The following DSC1 variants were observed in gnomAD, a reference collection of about 807,000 sequenced individuals.
DSC1 encodes the protein desmocollin-1.
A neutral mutation model predicts 98.8 loss-of-function variants in DSC1; 79 were observed. The ratio of observed to expected loss-of-function variants is 0.80; its 90% CI spans 0.67 to 0.96. The LOEUF is 0.96. Among genes scored for constraint, DSC1 ranks in the 50% least tolerant of loss-of-function variants. DSC1 has a pLI of 0.00. For synonymous variants in DSC1, 405 were observed against 372.1 expected, an observed-to-expected ratio of 1.09 and a Z score of -1.02; for missense variants, 1,115 against 1,075.9, an observed-to-expected ratio of 1.04 and a Z score of -0.51.
intron 7 of DSC1, among the ~76,000 whole-genome samples, chr18:31,145,136 G>A (rs1445121099): frequency 1.3e-5 from 2 of 151,680 alleles, no homozygotes; most frequent in African/African-American, 4.8e-5. Context: ...TAGAGACGGC[G>A]TTTCATGGTG....
At chr18:31,147,175 G>A (rs1339742156) in intron 6 of DSC1, among the ~76,000 whole-genome samples, 1 of 151,212 alleles carries the variant, frequency 6.6e-6, no homozygotes, top group East Asian at 1.9e-4. Context: ...ATTTTGTTTG[G>A]AAGATATGCC....
At chr18:31,132,082 G>A in intron 14 of DSC1, 2 of 541,728 alleles carry the variant, frequency 3.7e-6, no homozygotes, top group Non-Finnish European at 6.6e-6. Context: ...CATTGTAGAT[G>A]TAATTAGCTA....
At chr18:31,133,348 A>G (rs954184544) in intron 13 of DSC1, among the ~76,000 whole-genome samples, 1 of 152,138 alleles carries the variant, frequency 6.6e-6, no homozygotes, top group African/African-American at 2.4e-5. Context: ...AGTTTGCACA[A>G]TGCAAAATCT....
At position 31,159,544 on chromosome 18, in the gene DSC1, AAG is replaced by A; in HGVS notation, c.64-17_64-16del. On this transcript the variant is annotated splice_polypyrimidine_tract_variant and intron_variant, in intron 1 of 15. Coordinates refer to ENST00000257198, the MANE Select transcript of DSC1 (RefSeq NM_024421.2). Reference sequence around the variant, plus strand: ...AATGTTAAAACCTCAAAAAAAAAAAAAGAAAAAATATCAGGAATTAAATTTGA... The same window carrying A: ...AATGTTAAAACCTCAAAAAAAAAAAAAAAAAATATCAGGAATTAAATTTGA... The A allele has an allele frequency of 6.3e-7, 1 of 1,582,830 alleles. No homozygotes were observed. The highest frequency in any genetic ancestry group is 8.6e-7 in the Non-Finnish European group (1 of 1,168,942).
At chr18:31,139,070 AATATTTAAAAAC>A (rs1988673884) in intron 11 of DSC1, among the ~76,000 whole-genome samples, 1 of 151,934 alleles carries the variant, frequency 6.6e-6, no homozygotes, top group South Asian at 2.1e-4. Context: ...TATGATAGCA[AATATTTAAAAAC>A]ATATTTATAA....
At chr18:31,159,323 G>A in intron 2 of DSC1, 122 bp downstream of exon 2, 1 of 856,204 alleles carries the variant, frequency 1.2e-6, no homozygotes, top group Non-Finnish European at 1.9e-6. Context: ...AAAGTGCTGG[G>A]ATTACAGGCG....
intron 5 of DSC1, 30 bp downstream of exon 5, chr18:31,154,744 A>C (rs2143926260): frequency 6.5e-7 from 1 of 1,540,470 alleles, no homozygotes; most frequent in African/African-American, 1.4e-5. Flanking sequence ...ATAAAGATAT[A>C]ATTATGAATA....
At chr18:31,142,318 T>C in intron 8 of DSC1, 134 bp from the exon 9 acceptor site, 1 of 911,734 alleles carries the variant, frequency 1.1e-6, no homozygotes, top group East Asian at 2.9e-5. Flanking sequence ...GGAAACATTT[T>C]ACAAATTTAA....
intron 5 of DSC1, 80 bp from the exon 6 acceptor site, chr18:31,148,722 T>A: frequency 7.4e-7 from 1 of 1,349,950 alleles, no homozygotes; most frequent in South Asian, 1.9e-5. Context: ...TGGGGGAAAA[T>A]GTAACATTAA....
rs1988564604 is a variant in DSC1, at chr18:31,134,449, G to C, written c.1876+123C>G. 5.3e-6 allele frequency: 5 copies of C among 939,104 alleles called. No homozygotes were observed. In the South Asian group the frequency reaches 7.5e-5, roughly 14 times the overall value. The allele number at this position is 939,104 out of a possible 1,614,324, so 58.2% of individuals were successfully genotyped here. The stretch of plus-strand genomic sequence containing the variant: ...TTTTTTTTAAAGATTAGGTATTGTT[G>C]TTTTTAGGGTTAATAAAATAATTTC... On this transcript the variant is annotated intron_variant, in intron 12 of 15. Coordinates refer to ENST00000257198, the MANE Select transcript of DSC1 (RefSeq NM_024421.2).
In DSC1 at chr18:31,132,691, T is replaced by C. The variant is rs201549690; in HGVS notation, c.2117-2A>G. 215 of 1,605,904 alleles carry C rather than the reference T, an allele frequency of 1.3e-4. No individual in the cohort carries two copies. Among genetic ancestry groups the C allele is most frequent in the Non-Finnish European group, 1.7e-4 (204 of 1,176,794 alleles). On this transcript the variant is annotated splice_acceptor_variant, in intron 13 of 15. Transcript: ENST00000257198. LOFTEE classifies it high-confidence loss of function. ...CACAGAAACATGTAAACAGAATACC[T>C]AAAAAGCAAAAAAGATCAAAGTAAA...
At chr18:31,130,868 T>C in intron 15 of DSC1, 157 bp from the exon 16 acceptor site, 4 of 1,575,112 alleles carry the variant, frequency 2.5e-6, no homozygotes, top group Non-Finnish European at 3.4e-6. Context: ...AGGATTGGTC[T>C]GTATTATAGT....
chr18:31,146,165 G>A (rs1259985877), intron 6 of DSC1, among the ~76,000 whole-genome samples: 1 of 152,060 alleles, frequency 6.6e-6, no homozygotes, highest in Non-Finnish European at 1.5e-5. Context: ...CGAGGTTTGG[G>A]CTTCTAATGA....
intron 9 of DSC1, among the ~76,000 whole-genome samples, chr18:31,141,453 AG>A (rs1988733408): frequency 1.3e-5 from 2 of 152,226 alleles, no homozygotes; most frequent in South Asian, 4.1e-4. Context: ...GTCCAGTTAA[AG>A]TAATCATCCT....
Position 31,133,949 on chromosome 18 carries a change from A to C in DSC1, c.2058T>G (p.Asn686Lys). Residue 686 changes from asparagine to lysine, a missense_variant, in exon 13 of 16, where the codon AAT (asparagine) becomes AAG (lysine). Coordinates refer to ENST00000257198, the MANE Select transcript of DSC1 (RefSeq NM_024421.2). ...KDKSTRDVRP[N>K]VILGRWAILA... Reference sequence around the variant, plus strand: ...GAATAGCCCATCTTCCAAGTATTACATTTGGTCTAACGTCTCTTGTACTTT... The same window carrying C: ...GAATAGCCCATCTTCCAAGTATTACCTTTGGTCTAACGTCTCTTGTACTTT... 1 of 1,613,368 alleles carries C rather than the reference A, an allele frequency of 6.2e-7. No individual in the cohort carries two copies. Among genetic ancestry groups the C allele is most frequent in the South Asian group, 1.1e-5 (1 of 91,054 alleles).
chr18:31,150,219 CCACCACTACCACCATCAT>C (rs1431361568), intron 5 of DSC1, among the ~76,000 whole-genome samples: 4 of 144,226 alleles, frequency 2.8e-5, no homozygotes, highest in South Asian at 2.3e-4. Flanking sequence ...ACCACCATCA[CCACCACTACCACCATCAT>C]CACCACCACT....
At chr18:31,133,429 G>A (rs1320986525) in intron 13 of DSC1, among the ~76,000 whole-genome samples, 7 of 152,024 alleles carry the variant, frequency 4.6e-5, no homozygotes, top group Admixed American at 6.6e-5. Flanking sequence ...GAAGTCTTAC[G>A]ATGATGCTAA....
In DSC1 at chr18:31,142,152, G is replaced by A. The variant is rs148434471; in HGVS notation, c.1107C>T (p.Asp369=). ...GTACCTTCATTCGTAAAATCTCCACGTCAATTCTGTTTTCTTCTACTTCTG... is the reference window on the plus strand; with the variant it reads ...GTACCTTCATTCGTAAAATCTCCACATCAATTCTGTTTTCTTCTACTTCTG... The part of the protein sequence containing the change: ...YVTEVEENRI[D]VEILRMKVQD... Residue 369 remains aspartate, a synonymous_variant, in exon 9 of 16, where the codon GAC becomes GAT. Transcript: ENST00000257198. The A allele has an allele frequency of 1.4e-5, 23 of 1,612,376 alleles. No homozygotes were observed. The highest frequency in any genetic ancestry group is 4.0e-5 in the African/African-American group (3 of 74,828).
At chr18:31,151,869 A>C (rs1461334882) in intron 5 of DSC1, among the ~76,000 whole-genome samples, 1 of 152,140 alleles carries the variant, frequency 6.6e-6, no homozygotes, top group Admixed American at 6.6e-5. Flanking sequence ...GAGAAAATAA[A>C]CATTACAAGA....
Sources: allele counts gnomAD v4.1 joint callset (sites outside exome capture counted in the v4.1 genomes callset), GRCh38; gene constraint gnomAD v4.1.1; transcripts MANE v1.5; gene names NCBI Gene and HGNC (gene_info 2026-07-23, HGNC 2026-07-21).